The following GPSM1 variants were observed in gnomAD, a reference collection of about 807,000 sequenced individuals.
GPSM1 encodes G protein signaling modulator 1.
Under a neutral mutation model 70.5 loss-of-function variants are expected in GPSM1, and 48 were observed. The ratio of observed to expected loss-of-function variants is 0.68; its 90% CI spans 0.54 to 0.87. The LOEUF (loss-of-function observed/expected upper bound fraction) is 0.87. Ranked by LOEUF, GPSM1 falls within the 40% of genes least tolerant of loss-of-function variation. GPSM1 has a pLI of 0.00. For missense variants in GPSM1, 981 were observed against 972.6 expected, an observed-to-expected ratio of 1.01 and a Z score of -0.11; for synonymous variants, 416 against 430.1, an observed-to-expected ratio of 0.97 and a Z score of 0.41.
At position 136,341,146 on chromosome 9, in the gene GPSM1, AC is replaced by A; in HGVS notation, c.1207+154del. 1 of 1,549,992 alleles carries A rather than the reference AC, an allele frequency of 6.5e-7. No homozygotes were observed. The highest frequency in any genetic ancestry group is 8.7e-7 in the Non-Finnish European group (1 of 1,146,826). ...AAGCCAGTTCTTCTTGGCCTCAGGG[AC>A]AGCACAGGCCTGAGGTTCACCCTGA... On this transcript the variant is annotated intron_variant, in intron 9 of 13. Coordinates refer to ENST00000440944, the MANE Select transcript of GPSM1 (RefSeq NM_001145638.3). This position sits in a 1 kb window ranked among gnomAD's most constrained non-coding sequence, Gnocchi z 6.7.
In GPSM1 at chr9:136,336,051, G is replaced by A. The variant is rs1554769174; in HGVS notation, c.376G>A (p.Ala126Thr). 1.2e-6 allele frequency: 2 copies of A among 1,612,170 alleles called. No homozygotes were observed. Among genetic ancestry groups the A allele is most frequent in the Admixed American group, 1.7e-5 (1 of 59,972 alleles). The change falls in exon 3 of 14, where the codon GCC becomes ACC. Residue 126 changes from alanine to threonine, a missense_variant. Transcript: ENST00000440944. ...LKVLGRFDEAAVCCQRHLSIA... is the reference protein window; with the variant it reads ...LKVLGRFDEATVCCQRHLSIA... ...GGTCCTGGGGCGCTTCGACGAGGCT[G>A]CCGTCTGCTGCCAGCGGCATCTGAG...
Position 136,341,453 on chromosome 9 carries a change from C to T in GPSM1, c.1207+460C>T. 2 of 1,361,616 alleles carry T rather than the reference C, an allele frequency of 1.5e-6. No homozygotes were observed. Among genetic ancestry groups the T allele is most frequent in the Non-Finnish European group, 1.9e-6 (2 of 1,059,850 alleles). The allele number at this position is 1,361,616 out of a possible 1,614,324, so 84.3% of individuals were successfully genotyped here. On this transcript the variant is annotated intron_variant, in intron 9 of 13. Transcript: ENST00000440944. This position sits in a 1 kb window ranked among gnomAD's most constrained non-coding sequence, Gnocchi z 6.7. ...AGGCAAGGCCCAAGGCCATGCGAGG[C>T]CACCGTGGTGACCTCATTCATGGAC...
intron 1 of GPSM1, among the ~76,000 whole-genome samples, chr9:136,330,080 G>A (rs1554768319): frequency 6.6e-6 from 1 of 152,136 alleles, no homozygotes; most frequent in African/African-American, 2.4e-5. Flanking sequence ...CCCAGAGCAG[G>A]GCTTTGGGGT....
intron 2 of GPSM1, 94 bp downstream of exon 2, chr9:136,334,762 C>A (rs1449436601): frequency 8.5e-5 from 88 of 1,040,806 alleles, no homozygotes; most frequent in Non-Finnish European, 1.1e-4. Context: ...TGGGGCGGCC[C>A]TGCTGGCGCG....
In GPSM1 at chr9:136,355,925, TGAG is replaced by T. The variant is rs377724930; in HGVS notation, c.1612+83_1612+85del. On this transcript the variant is annotated intron_variant, in intron 12 of 13. Coordinates refer to ENST00000440944, the MANE Select transcript of GPSM1 (RefSeq NM_001145638.3). ...ACCAGGGCTCCCGTCCTGCTTCCAGTGAGGAGTTTTCGGGGGCAGACCAGCAGG... is the reference window on the plus strand; with the variant it reads ...ACCAGGGCTCCCGTCCTGCTTCCAGTGAGTTTTCGGGGGCAGACCAGCAGG... 2.3e-4 allele frequency: 294 copies of T among 1,272,648 alleles called. 3 individuals are homozygous for T. The East Asian group carries it at 4.1e-3, about 18-fold the overall frequency. 78.8% of individuals were successfully genotyped at this position (1,272,648 alleles called of 1,614,324 possible). A position where few individuals can be genotyped will look rare whatever the true frequency, so the allele number is the denominator to read the frequency against.
intron 9 of GPSM1, among the ~76,000 whole-genome samples, chr9:136,345,456 C>T (rs1049011971): frequency 1.3e-5 from 2 of 152,192 alleles, no homozygotes. Flanking sequence ...GCGGGCCTTC[C>T]GCCCACCGTC....
rs1832225227 is a variant in GPSM1, at chr9:136,336,025, A to G, written c.350A>G (p.Lys117Arg). 2 of 1,612,594 alleles carry G rather than the reference A, an allele frequency of 1.2e-6. No homozygotes were observed. Among genetic ancestry groups the G allele is most frequent in the Admixed American group, 1.7e-5 (1 of 59,998 alleles). The change falls in exon 3 of 14, where the codon AAG becomes AGG. Residue 117 changes from lysine to arginine, a missense_variant. Lys to Arg is a conservative substitution (Grantham distance 26). Coordinates refer to ENST00000440944, the MANE Select transcript of GPSM1 (RefSeq NM_001145638.3). Reference sequence around the variant, plus strand: ...AGTGGAAACCTGGGAAACACACTCAAGGTCCTGGGGCGCTTCGACGAGGCT... The same window carrying G: ...AGTGGAAACCTGGGAAACACACTCAGGGTCCTGGGGCGCTTCGACGAGGCT... ...KASGNLGNTL[K>R]VLGRFDEAAV...
At chr9:136,347,139 CG>C (rs1296467272) in intron 9 of GPSM1, among the ~76,000 whole-genome samples, 2 of 152,078 alleles carry the variant, frequency 1.3e-5, no homozygotes, top group Admixed American at 6.5e-5. Context: ...CTGAGCCTCT[CG>C]GGGGGATGAG....
intron 8 of GPSM1, 81 bp downstream of exon 8, chr9:136,339,896 G>A (rs1408538030): frequency 1.2e-6 from 1 of 803,284 alleles, no homozygotes; most frequent in African/African-American, 2.2e-5. Flanking sequence ...CCCCGAGCGA[G>A]CGTGTGCGTG....
intron 4 of GPSM1, 31 bp from the exon 5 acceptor site, chr9:136,337,409 AG>A: frequency 1.3e-6 from 2 of 1,562,596 alleles, no homozygotes; most frequent in Non-Finnish European, 1.7e-6. Context: ...ATGGGCTGGG[AG>A]GGACACGGCT....
rs1832453075 is a variant in GPSM1 at position 136,343,856 on chromosome 9, G to A, written c.1207+2863G>A. Among the ~76,000 whole-genome samples the A allele has an allele frequency of 3.3e-5, 5 of 152,300 alleles. No individual in the cohort carries two copies. In the South Asian group the frequency reaches 8.3e-4, roughly 25 times the overall value. On this transcript the variant is annotated intron_variant, in intron 9 of 13. Transcript: ENST00000440944. This position sits in a 1 kb window ranked among gnomAD's most constrained non-coding sequence, Gnocchi z 6.0. Reference sequence around the variant, plus strand: ...GCAGCCCAGTGGCCCTTGGGCAGCCGCCGGGATGGAGGATGCACCCTCTGT... The same window carrying A: ...GCAGCCCAGTGGCCCTTGGGCAGCCACCGGGATGGAGGATGCACCCTCTGT...
chr9:136,355,670 T>C lies in GPSM1; in HGVS notation c.1456-20T>C, dbSNP rs1350315528. The C allele has an allele frequency of 1.2e-6, 2 of 1,608,204 alleles. No homozygotes were observed. The highest frequency in any genetic ancestry group is 1.7e-6 in the Non-Finnish European group (2 of 1,177,156). On this transcript the variant is annotated intron_variant, in intron 11 of 13. Transcript: ENST00000440944. ...TCTGCGGGGCTAGCTTTGGCTGCGG[T>C]GACCCCACTCCCTCCCCAGAGCATC...
At chr9:136,334,381 G>A (rs1186518054) in intron 1 of GPSM1, 66 bp from the exon 2 acceptor site, 12 of 1,214,630 alleles carry the variant, frequency 9.9e-6, no homozygotes, top group Admixed American at 1.9e-5. Flanking sequence ...GTGAAGCCAC[G>A]GAGGTGCTCC....
At position 136,336,048 on chromosome 9, in the gene GPSM1, G is replaced by A; in HGVS notation, c.373G>A (p.Ala125Thr). The change falls in exon 3 of 14, where the codon GCT becomes ACT. Residue 125 changes from alanine to threonine, a missense_variant. Physicochemically the swap from Ala to Thr is moderately conservative, Grantham distance 58 (BLOSUM62 0). Coordinates refer to ENST00000440944, the MANE Select transcript of GPSM1 (RefSeq NM_001145638.3). ...CAAGGTCCTGGGGCGCTTCGACGAG[G>A]CTGCCGTCTGCTGCCAGCGGCATCT... is the stretch of plus-strand genomic sequence containing the variant. Reference protein sequence around the residue: ...TLKVLGRFDEAAVCCQRHLSI... With the variant: ...TLKVLGRFDETAVCCQRHLSI... 6.2e-7 allele frequency: 1 copy of A among 1,612,168 alleles called. No homozygotes were observed. The highest frequency in any genetic ancestry group is 8.5e-7 in the Non-Finnish European group (1 of 1,179,856).
chr9:136,338,909 G>T (rs1392482699), intron 7 of GPSM1, among the ~76,000 whole-genome samples, 199 bp downstream of exon 7: 1 of 152,206 alleles, frequency 6.6e-6, no homozygotes, highest in Non-Finnish European at 1.5e-5. Flanking sequence ...ACAAGCGGGT[G>T]GGGTCCCCCT....
rs182948339 is a variant in GPSM1 at position 136,340,507 on chromosome 9, C to T, written c.1084-363C>T. The stretch of plus-strand genomic sequence containing the variant: ...AGTTCCTGAGTGATGTGGATGTTCC[C>T]GGGAGGGTCCCCCACAGAGCCTCGG... On this transcript the variant is annotated intron_variant, in intron 8 of 13. Coordinates refer to ENST00000440944, the MANE Select transcript of GPSM1 (RefSeq NM_001145638.3). The surrounding 1 kb of genome is among the most constrained non-coding windows in gnomAD (Gnocchi z 7.3). Among the ~76,000 whole-genome samples, 388 of 152,058 alleles carry T rather than the reference C, an allele frequency of 2.6e-3. No homozygotes were observed. Among genetic ancestry groups the T allele is most frequent in the African/African-American group, 8.9e-3 (369 of 41,472 alleles).
In GPSM1 at chr9:136,338,422, A is replaced by C. The variant is rs973090237; in HGVS notation, c.819-133A>C. On this transcript the variant is annotated intron_variant, in intron 6 of 13. Coordinates refer to ENST00000440944, the MANE Select transcript of GPSM1 (RefSeq NM_001145638.3). ...CTGTGGCCATGTGAGGGTGGGGATG[A>C]AGCTGGACCCCAGAGAGGCCCCAGT... 6.1e-6 allele frequency: 5 copies of C among 821,838 alleles called. No individual in the cohort carries two copies. The African/African-American group carries it at 8.6e-5, about 14-fold the overall frequency. The allele number at this position is 821,838 out of a possible 1,614,324, so 50.9% of individuals were successfully genotyped here. A position where few individuals can be genotyped will look rare whatever the true frequency, so the allele number is the denominator to read the frequency against.
At chr9:136,334,974 A>C (rs1365756240) in intron 2 of GPSM1, among the ~76,000 whole-genome samples, 1 of 152,134 alleles carries the variant, frequency 6.6e-6, no homozygotes, top group African/African-American at 2.4e-5. Context: ...AAGGGAACGC[A>C]GTGGGGAAGC....
rs782715651 is a variant in GPSM1, at chr9:136,338,560, C to T, written c.824C>T (p.Thr275Met). Residue 275 changes from threonine (T) to methionine (M), a missense_variant, in exon 7 of 14, where the codon ACG becomes ATG. Thr to Met is a moderately conservative substitution (Grantham distance 81). Coordinates refer to ENST00000440944, the MANE Select transcript of GPSM1 (RefSeq NM_001145638.3). ...GACCCTGCCACTCTGCACAGGAAGACGCTGCAACTGTCTCGGCAGCTCAGG... is the reference window on the plus strand; with the variant it reads ...GACCCTGCCACTCTGCACAGGAAGATGCTGCAACTGTCTCGGCAGCTCAGG... ...FDVAAEYYKK[T>M]LQLSRQLRDQ... The T allele has an allele frequency of 1.1e-5, 18 of 1,610,792 alleles. No individual in the cohort carries two copies. The highest frequency in any genetic ancestry group is 4.0e-5 in the African/African-American group (3 of 74,922).
Sources: gnomAD v4.1 joint callset for allele counts (sites outside exome capture counted in the v4.1 genomes callset) on GRCh38, gnomAD v4.1.1 for gene constraint, Gnocchi (gnomAD v3.1) non-coding constraint, MANE v1.5 for transcripts, NCBI Gene and HGNC (gene_info 2026-07-23, HGNC 2026-07-21) for gene names.